The following SPATA13 variants were observed in gnomAD, a reference collection of about 807,000 sequenced individuals.
SPATA13 encodes the protein spermatogenesis-associated protein 13.
In SPATA13, 50 loss-of-function variants were observed where a neutral mutation model predicts 104.0. That is an observed-to-expected ratio of 0.48 (90% CI 0.38 to 0.61). The LOEUF is 0.61. Among genes scored for constraint, SPATA13 ranks in the 20% least tolerant of loss-of-function variants. The pLI is 0.00. For synonymous variants in SPATA13, 606 were observed against 667.5 expected (o/e 0.91, Z 1.42); for missense variants, 1,524 against 1,690.6 (o/e 0.90, Z 1.73).
At chr13:24,084,288 G>C (rs1250115075) in intron 3 of SPATA13, among the ~76,000 whole-genome samples, 1 of 152,202 alleles carries the variant, frequency 6.6e-6, no homozygotes, top group Non-Finnish European at 1.5e-5. Flanking sequence ...GTGGGGAAAA[G>C]GGTCTCTGTG....
chr13:24,231,221 C>T (rs922502660), intron 2 of SPATA13, among the ~76,000 whole-genome samples: 2 of 152,166 alleles, frequency 1.3e-5, no homozygotes, highest in Non-Finnish European at 2.9e-5. Context: ...AATTTTAGCA[C>T]GTTTTCACCA....
chr13:24,247,478 C>CCTTTTTTTTTTTTTT (rs1375500120), intron 2 of SPATA13, among the ~76,000 whole-genome samples: 1 of 87,122 alleles, frequency 1.1e-5, no homozygotes, highest in African/African-American at 4.0e-5. Flanking sequence ...TCCACATTCA[C>CCTTTTTTTTTTTTTT]TTTTTTTTTT....
intron 3 of SPATA13, among the ~76,000 whole-genome samples, chr13:24,075,092 A>C (rs1348303034): frequency 6.6e-6 from 1 of 152,238 alleles, no homozygotes; most frequent in Non-Finnish European, 1.5e-5. Flanking sequence ...TACTTAACTG[A>C]ACATGGTAGA....
intron 5 of SPATA13, among the ~76,000 whole-genome samples, chr13:24,284,650 C>G (rs567725312): frequency 1.3e-5 from 2 of 151,984 alleles, no homozygotes; most frequent in Non-Finnish European, 2.9e-5. Flanking sequence ...GGCGACAGAG[C>G]GAGACTCCAT....
intron 3 of SPATA13, among the ~76,000 whole-genome samples, chr13:24,143,403 G>A (rs1229069158): frequency 1.3e-5 from 2 of 152,204 alleles, no homozygotes; most frequent in Non-Finnish European, 2.9e-5. Context: ...GCAAGGGGAA[G>A]GCATTAGAAT....
At chr13:24,281,925 C>A (rs7989087) in intron 4 of SPATA13, among the ~76,000 whole-genome samples, 25,565 of 152,236 alleles carry the variant, frequency 0.17, 2,563 homozygotes, top group Non-Finnish European at 0.23. Context: ...TCCTCCTCAT[C>A]ATGACAGCCC....
rs930246893 is a variant in SPATA13 at position 24,304,166 on chromosome 13, A to AG, written c.*1395dup. On this transcript the variant is annotated 3_prime_UTR_variant, in exon 13 of 13. Coordinates refer to ENST00000382108, the MANE Select transcript of SPATA13 (RefSeq NM_001166271.3). ...AACCATGTCACGTGAGCATGTCATC[A>AG]GGCTTCTGAGGACTTGTTCTTTATA... The AG allele has an allele frequency of 1.3e-5, 2 of 152,240 alleles. No individual in the cohort carries two copies. The highest frequency in any genetic ancestry group is 4.8e-5 in the African/African-American group (2 of 41,460). The allele number at this position is 152,240 out of a possible 1,614,324, so 9.4% of individuals were successfully genotyped here. A position where few individuals can be genotyped will look rare whatever the true frequency, so the allele number is the denominator to read the frequency against.
intron 1 of SPATA13, among the ~76,000 whole-genome samples, chr13:24,200,678 T>C (rs1870342338): frequency 1.3e-5 from 2 of 151,850 alleles, no homozygotes; most frequent in South Asian, 4.2e-4. Context: ...AGCAACTTTA[T>C]GTTTTTTGCT....
intron 2 of SPATA13, among the ~76,000 whole-genome samples, chr13:24,002,475 G>T (rs1378764507): frequency 6.6e-6 from 1 of 152,162 alleles, no homozygotes; most frequent in Non-Finnish European, 1.5e-5. Flanking sequence ...GAGTAGAGGA[G>T]CTGGTGGTGG....
At chr13:24,164,506 G>C (rs1481002246) in intron 1 of SPATA13, among the ~76,000 whole-genome samples, 1 of 152,236 alleles carries the variant, frequency 6.6e-6, no homozygotes, top group Non-Finnish European at 1.5e-5. Context: ...GATGAGATGG[G>C]TGATCAGGTA....
intron 3 of SPATA13, among the ~76,000 whole-genome samples, chr13:24,127,356 G>T (rs999877366): frequency 1.3e-5 from 2 of 152,192 alleles, no homozygotes; most frequent in Non-Finnish European, 2.9e-5. Context: ...CACCAGCAGG[G>T]AGGAGTTGAC....
At chr13:24,238,104 C>T (rs1427201908) in intron 2 of SPATA13, among the ~76,000 whole-genome samples, 1 of 137,874 alleles carries the variant, frequency 7.3e-6, no homozygotes, top group African/African-American at 2.7e-5. Context: ...TTGCATTCCA[C>T]TTTCCAGCCC....
At chr13:24,281,254 C>A (rs867439957) in intron 4 of SPATA13, among the ~76,000 whole-genome samples, 15 of 152,354 alleles carry the variant, frequency 9.8e-5, no homozygotes, top group Middle Eastern at 6.8e-3. Flanking sequence ...CCTCCAACCC[C>A]GTCTCTTGGT....
At chr13:24,058,614 A>G (rs1878657597) in intron 3 of SPATA13, among the ~76,000 whole-genome samples, 1 of 151,958 alleles carries the variant, frequency 6.6e-6, no homozygotes, top group South Asian at 2.1e-4. Context: ...TGTGAAACTC[A>G]TGGCTTCAAA....
At chr13:24,299,411 G>A (rs575128903) in intron 11 of SPATA13, among the ~76,000 whole-genome samples, 3 of 152,288 alleles carry the variant, frequency 2.0e-5, no homozygotes, top group African/African-American at 7.2e-5. Flanking sequence ...TCCTTGCCTC[G>A]AATATTTTGG....
At chr13:24,173,486 C>T (rs1405001633) in intron 1 of SPATA13, among the ~76,000 whole-genome samples, 1 of 148,378 alleles carries the variant, frequency 6.7e-6, no homozygotes, top group Non-Finnish European at 1.5e-5. Context: ...CATCCATACG[C>T]CTTTTATTCC....
chr13:24,281,638 GTT>G, intron 4 of SPATA13, among the ~76,000 whole-genome samples: 1 of 152,212 alleles, frequency 6.6e-6, no homozygotes, highest in East Asian at 1.9e-4. Context: ...GGATGTCGGG[GTT>G]TCTCTGAGAG....
At chr13:24,216,603 C>G (rs527394769) in intron 1 of SPATA13, among the ~76,000 whole-genome samples, 3 of 152,210 alleles carry the variant, frequency 2.0e-5, no homozygotes, top group Non-Finnish European at 4.4e-5. Flanking sequence ...ACAGAGAGAC[C>G]CTGAAGGTAC....
At chr13:24,143,880 A>C (rs1228577847) in intron 3 of SPATA13, among the ~76,000 whole-genome samples, 2 of 152,226 alleles carry the variant, frequency 1.3e-5, no homozygotes, top group African/African-American at 4.8e-5. Context: ...ACCTTAGCCA[A>C]GTTATTCTTC....
Sources: gnomAD v4.1 joint callset for allele counts (sites outside exome capture counted in the v4.1 genomes callset) on GRCh38, gnomAD v4.1.1 for gene constraint, MANE v1.5 for transcripts, NCBI Gene and HGNC (gene_info 2026-07-23, HGNC 2026-07-21) for gene names.